The following SMAD2 variants were observed in gnomAD, a reference collection of about 807,000 sequenced individuals.
The protein encoded by SMAD2 is MAD homolog 2.
A neutral mutation model predicts 64.4 loss-of-function variants in SMAD2; 8 were observed. The observed-to-expected ratio is 0.12, with a 90% CI of 0.07 to 0.22. SMAD2 has a LOEUF of 0.22. Ranked by LOEUF, SMAD2 falls within the 10% of genes least tolerant of loss-of-function variation. The pLI is 1.00. For missense variants in SMAD2, 289 were observed against 561.2 expected, an observed-to-expected ratio of 0.51 and a Z score of 4.90; for synonymous variants, 203 against 195.8, an observed-to-expected ratio of 1.04 and a Z score of -0.31.
rs942775439 is a variant in SMAD2 at position 47,827,156 on chromosome 18, G to A, written c.*14671C>T. The A allele has an allele frequency of 8.5e-5, 13 of 152,218 alleles. No individual in the cohort carries two copies. The highest frequency in any genetic ancestry group is 2.6e-4 in the African/African-American group (11 of 41,544). 9.4% of individuals were successfully genotyped at this position (152,218 alleles called of 1,614,324 possible). A position where few individuals can be genotyped will look rare whatever the true frequency, so the allele number is the denominator to read the frequency against. On this transcript the variant is annotated 3_prime_UTR_variant, in exon 11 of 11. Transcript: ENST00000262160. The stretch of plus-strand genomic sequence containing the variant: ...CCAAAAAAAAAATTTGTTCAAAGTA[G>A]GCAATTGAGTTTTCATTCTATTATC...
chr18:47,815,095 G>A lies in SMAD2; in HGVS notation c.*26732C>T, dbSNP rs1006778055. 2.0e-5 allele frequency: 3 copies of A among 152,230 alleles called. No homozygotes were observed. Among genetic ancestry groups the A allele is most frequent in the African/African-American group, 7.2e-5 (3 of 41,446 alleles). 9.4% of individuals were successfully genotyped at this position (152,230 alleles called of 1,614,324 possible). A position where few individuals can be genotyped will look rare whatever the true frequency, so the allele number is the denominator to read the frequency against. ...GAAACTCTTTCCTGTGTCACCTGGA[G>A]ATGACTGTTCTCACCCACTAGATGC... On this transcript the variant is annotated 3_prime_UTR_variant, in exon 11 of 11. Transcript: ENST00000262160.
At chr18:47,890,164 C>G (rs1402355219) in intron 2 of SMAD2, among the ~76,000 whole-genome samples, 1 of 152,166 alleles carries the variant, frequency 6.6e-6, no homozygotes, top group Non-Finnish European at 1.5e-5. Flanking sequence ...CAGGGCTTAG[C>G]AAAGTGCCTT....
At position 47,828,925 on chromosome 18, in the gene SMAD2, C is replaced by G. The variant is rs1292720110; in HGVS notation, c.*12902G>C. The G allele has an allele frequency of 1.4e-3, 73 of 51,234 alleles. No individual in the cohort carries two copies. Among genetic ancestry groups the G allele is most frequent in the African/African-American group, 5.9e-3 (73 of 12,426 alleles). The allele number at this position is 51,234 out of a possible 1,614,324, so 3.2% of individuals were successfully genotyped here. A position where few individuals can be genotyped will look rare whatever the true frequency, so the allele number is the denominator to read the frequency against. ...TCTCCGAGAAACACCCAAGAATGAT[C>G]AATAAATACTAAAAAAAAAAAAAAA... On this transcript the variant is annotated 3_prime_UTR_variant, in exon 11 of 11. Coordinates refer to ENST00000262160, the MANE Select transcript of SMAD2 (RefSeq NM_005901.6).
At chr18:47,900,950 A>G (rs1227341877) in intron 1 of SMAD2, among the ~76,000 whole-genome samples, 1 of 152,166 alleles carries the variant, frequency 6.6e-6, no homozygotes, top group Non-Finnish European at 1.5e-5. Flanking sequence ...AAAATCAATG[A>G]TATTTGCTGA....
At chr18:47,868,250 T>G (rs2031707051) in intron 5 of SMAD2, 73 bp downstream of exon 5, 1 of 1,297,578 alleles carries the variant, frequency 7.7e-7, no homozygotes. Context: ...AACCACAATT[T>G]ACTAAAACTT....
chr18:47,849,630 G>A (rs1598754090), intron 7 of SMAD2, among the ~76,000 whole-genome samples: 2 of 151,860 alleles, frequency 1.3e-5, no homozygotes, highest in South Asian at 2.1e-4. Flanking sequence ...TTAAATTCAC[G>A]TCATCCTGTA....
In SMAD2 at chr18:47,839,933, AC is replaced by A. The variant is rs1913779606; in HGVS notation, c.*1893del. The A allele has an allele frequency of 4.3e-6, 1 of 233,024 alleles. No individual in the cohort carries two copies. Among genetic ancestry groups the A allele is most frequent in the Non-Finnish European group, 8.5e-6 (1 of 118,030 alleles). The allele number at this position is 233,024 out of a possible 1,614,324, so 14.4% of individuals were successfully genotyped here. ...CCCATCTGTTATTCTCCAGTACAGTACCCTGTTTATCTCCTTCATAGACAAG... is the reference window on the plus strand; with the variant it reads ...CCCATCTGTTATTCTCCAGTACAGTACCTGTTTATCTCCTTCATAGACAAG... On this transcript the variant is annotated 3_prime_UTR_variant, in exon 11 of 11. Transcript: ENST00000262160.
intron 1 of SMAD2, chr18:47,912,181 T>C (rs1461740178): frequency 6.6e-6 from 1 of 152,190 alleles, no homozygotes; most frequent in East Asian, 1.9e-4. Flanking sequence ...TAAAATACGG[T>C]GCACAGGAAG....
chr18:47,829,395 A>C lies in SMAD2; in HGVS notation c.*12432T>G, dbSNP rs34823223. 2.2e-5 allele frequency: 3 copies of C among 134,516 alleles called. No individual in the cohort carries two copies. The South Asian group carries it at 6.7e-4, about 30-fold the overall frequency. The allele number at this position is 134,516 out of a possible 1,614,324, so 8.3% of individuals were successfully genotyped here. Reference sequence around the variant, plus strand: ...TAAAACATTGTCTCTAGACCTCAGCAAAAAAAAAAAAGCACATCCACTTTT... The same window carrying C: ...TAAAACATTGTCTCTAGACCTCAGCCAAAAAAAAAAAGCACATCCACTTTT... On this transcript the variant is annotated 3_prime_UTR_variant, in exon 11 of 11. Coordinates refer to ENST00000262160, the MANE Select transcript of SMAD2 (RefSeq NM_005901.6).
chr18:47,858,682 C>T (rs1005492872), intron 6 of SMAD2, among the ~76,000 whole-genome samples: 9 of 151,922 alleles, frequency 5.9e-5, no homozygotes, highest in South Asian at 2.1e-4. Context: ...TTTTACATGA[C>T]GTTGTAAAAT....
At position 47,833,105 on chromosome 18, in the gene SMAD2, A is replaced by C. The variant is rs1454527311; in HGVS notation, c.*8722T>G. On this transcript the variant is annotated 3_prime_UTR_variant, in exon 11 of 11. Coordinates refer to ENST00000262160, the MANE Select transcript of SMAD2 (RefSeq NM_005901.6). ...AAATTAGTCCCATAGTAACATGGTA[A>C]ACAACTCAAATGGCTTTCTTTTAAT... is the stretch of plus-strand genomic sequence containing the variant. The C allele has an allele frequency of 5.2e-6, 1 of 191,622 alleles. No homozygotes were observed. The highest frequency in any genetic ancestry group is 2.3e-5 in the African/African-American group (1 of 43,028). The allele number at this position is 191,622 out of a possible 1,614,324, so 11.9% of individuals were successfully genotyped here.
intron 2 of SMAD2, among the ~76,000 whole-genome samples, chr18:47,871,886 G>A (rs1202920426): frequency 9.1e-6 from 1 of 109,452 alleles, no homozygotes. Flanking sequence ...AGACTTCTGA[G>A]TCTATTAAAG....
intron 1 of SMAD2, among the ~76,000 whole-genome samples, chr18:47,907,207 A>C (rs565501966): frequency 9.2e-5 from 14 of 152,362 alleles, no homozygotes; most frequent in African/African-American, 2.9e-4. Context: ...ACGTATGTCC[A>C]CAAAAAGAAA....
rs1054315900 is a variant in SMAD2 at position 47,837,418 on chromosome 18, C to T, written c.*4409G>A. On this transcript the variant is annotated 3_prime_UTR_variant, in exon 11 of 11. Coordinates refer to ENST00000262160, the MANE Select transcript of SMAD2 (RefSeq NM_005901.6). Reference sequence around the variant, plus strand: ...TCTACTAAAAATACAAAAAATTAGCCGAGTGTGGTGGTGGGCGCCTGTAGT... The same window carrying T: ...TCTACTAAAAATACAAAAAATTAGCTGAGTGTGGTGGTGGGCGCCTGTAGT... 5.6e-5 allele frequency: 11 copies of T among 196,994 alleles called. No homozygotes were observed. Among genetic ancestry groups the T allele is most frequent in the South Asian group, 3.8e-4 (2 of 5,210 alleles). 12.2% of individuals were successfully genotyped at this position (196,994 alleles called of 1,614,324 possible).
At position 47,813,719 on chromosome 18, in the gene SMAD2, T is replaced by TTTTTTTTTTC. The variant is rs1912280312; in HGVS notation, c.*28107_*28108insGAAAAAAAAA. On this transcript the variant is annotated 3_prime_UTR_variant, in exon 11 of 11. Transcript: ENST00000262160. ...CTGTACCCGGCCCCACAATTTTTTTTTTTTTTTTTTTTTGGAGAGATGGGA... is the reference window on the plus strand; with the variant it reads ...CTGTACCCGGCCCCACAATTTTTTTTTTTTTTTTTCTTTTTTTTTTTTTGGAGAGATGGGA... 1 of 141,418 alleles carries TTTTTTTTTTC rather than the reference T, an allele frequency of 7.1e-6. No individual in the cohort carries two copies. Among genetic ancestry groups the TTTTTTTTTTC allele is most frequent in the Non-Finnish European group, 1.5e-5 (1 of 65,306 alleles). The allele number at this position is 141,418 out of a possible 1,614,324, so 8.8% of individuals were successfully genotyped here. A position where few individuals can be genotyped will look rare whatever the true frequency, so the allele number is the denominator to read the frequency against.
Position 47,823,793 on chromosome 18 carries a change from T to C in SMAD2, c.*18034A>G, listed in dbSNP as rs1912654456. On this transcript the variant is annotated 3_prime_UTR_variant, in exon 11 of 11. Transcript: ENST00000262160. Reference sequence around the variant, plus strand: ...CTCAAAACCATTATGCAAACTGGGATTGTCACATTACTATTAATTTTGTGT... The same window carrying C: ...CTCAAAACCATTATGCAAACTGGGACTGTCACATTACTATTAATTTTGTGT... 1.3e-5 allele frequency: 2 copies of C among 152,224 alleles called. No individual in the cohort carries two copies. Among genetic ancestry groups the C allele is most frequent in the Non-Finnish European group, 2.9e-5 (2 of 68,042 alleles). The allele number at this position is 152,224 out of a possible 1,614,324, so 9.4% of individuals were successfully genotyped here.
chr18:47,905,995 G>A (rs1008893276), intron 1 of SMAD2, among the ~76,000 whole-genome samples: 10 of 151,894 alleles, frequency 6.6e-5, no homozygotes, highest in Admixed American at 6.6e-4. Context: ...GGTGCCTCCT[G>A]TGCTCCCAGT....
rs984064148 is a variant in SMAD2, at chr18:47,825,578, G to C, written c.*16249C>G. ...TGAACTTCCCAGCCTGTAGAACTGT[G>C]AGCATCCTTCATAAGTGACCCTGCC... is the stretch of plus-strand genomic sequence containing the variant. On this transcript the variant is annotated 3_prime_UTR_variant, in exon 11 of 11. Coordinates refer to ENST00000262160, the MANE Select transcript of SMAD2 (RefSeq NM_005901.6). 6.6e-6 allele frequency: 1 copy of C among 152,620 alleles called. No homozygotes were observed. Among genetic ancestry groups the C allele is most frequent in the Admixed American group, 6.5e-5 (1 of 15,286 alleles). 9.5% of individuals were successfully genotyped at this position (152,620 alleles called of 1,614,324 possible). A position where few individuals can be genotyped will look rare whatever the true frequency, so the allele number is the denominator to read the frequency against.
intron 6 of SMAD2, among the ~76,000 whole-genome samples, chr18:47,858,652 A>T (rs906318902): frequency 2.0e-5 from 3 of 152,182 alleles, no homozygotes; most frequent in Non-Finnish European, 4.4e-5. Flanking sequence ...ATGAAACTAG[A>T]GTGGTGTAAA....
Sources: gnomAD v4.1 joint callset for allele counts (sites outside exome capture counted in the v4.1 genomes callset) on GRCh38, gnomAD v4.1.1 for gene constraint, MANE v1.5 for transcripts, NCBI Gene and HGNC (gene_info 2026-07-23, HGNC 2026-07-21) for gene names.